CDCP1: variants seen among roughly 807,000 people sequenced by gnomAD.
The protein encoded by CDCP1 is CUB domain containing protein 1, also known as CUB domain-containing protein 1.
Under a neutral mutation model 60.2 loss-of-function variants are expected in CDCP1, and 29 were observed. The ratio of observed to expected loss-of-function variants is 0.48; its 90% confidence interval spans 0.36 to 0.66. The LOEUF (loss-of-function observed/expected upper bound fraction) is 0.66. Ranked by LOEUF, CDCP1 falls within the 30% of genes least tolerant of loss-of-function variation. The pLI, the probability that CDCP1 is intolerant of heterozygous loss-of-function variation, is 0.00. For synonymous variants in CDCP1, 387 were observed against 431.1 expected, an observed-to-expected ratio of 0.90 and a Z score of 1.27; for missense variants, 876 against 1,074.3, an observed-to-expected ratio of 0.82 and a Z score of 2.58.
intron 4 of CDCP1, among the ~76,000 whole-genome samples, chr3:45,098,574 C>G (rs1698439706): frequency 6.6e-6 from 1 of 151,820 alleles, no homozygotes; most frequent in African/African-American, 2.4e-5. Context: ...TGGATTTCTC[C>G]TCCTTCACCC....
intron 1 of CDCP1, among the ~76,000 whole-genome samples, chr3:45,132,421 T>C (rs1429424967): frequency 1.3e-5 from 2 of 152,064 alleles, no homozygotes; most frequent in African/African-American, 4.8e-5. Context: ...GGGGTGGTAG[T>C]AGGGAAACAC....
At chr3:45,123,000 G>A (rs1698913167) in intron 1 of CDCP1, among the ~76,000 whole-genome samples, 1 of 97,044 alleles carries the variant, frequency 1.0e-5, no homozygotes, top group African/African-American at 3.4e-5. Flanking sequence ...CTGAGACGTA[G>A]GGATTTTTTT....
At chr3:45,114,613 A>C (rs1698755235) in intron 2 of CDCP1, among the ~76,000 whole-genome samples, 1 of 151,968 alleles carries the variant, frequency 6.6e-6, no homozygotes, top group African/African-American at 2.4e-5. Flanking sequence ...GGGTTTCACT[A>C]TGTTGACCAG....
chr3:45,135,201 A>C (rs72499010), intron 1 of CDCP1, among the ~76,000 whole-genome samples: 1 of 119,314 alleles, frequency 8.4e-6, no homozygotes, highest in Non-Finnish European at 1.8e-5. Context: ...ATGAATATAC[A>C]AAAATTCAGG....
rs374109300 is a variant in CDCP1, at chr3:45,093,455, G to C, written c.1449C>G (p.Leu483=). The C allele has an allele frequency of 1.3e-4, 202 of 1,613,998 alleles. No homozygotes were observed. Among genetic ancestry groups the C allele is most frequent in the Non-Finnish European group, 1.6e-4 (192 of 1,179,964 alleles). ...EKPCNTSFSY[L]VASAIPSQDL... ...CCTGGCTGGGTATGGCACTGGCCACGAGGTAGCTGAAGCTGGTGTTGCAGG... is the reference window on the plus strand; with the variant it reads ...CCTGGCTGGGTATGGCACTGGCCACCAGGTAGCTGAAGCTGGTGTTGCAGG... The change falls in exon 6 of 9, where the codon CTC becomes CTG. Residue 483 remains leucine, a synonymous_variant. Coordinates refer to ENST00000296129, the MANE Select transcript of CDCP1 (RefSeq NM_022842.5).
At chr3:45,125,068 C>T (rs78964699) in intron 1 of CDCP1, among the ~76,000 whole-genome samples, 1 of 152,096 alleles carries the variant, frequency 6.6e-6, no homozygotes, top group Non-Finnish European at 1.5e-5. Flanking sequence ...TCACAGAAGG[C>T]GTATGACTTA....
In CDCP1 at chr3:45,146,233, C is replaced by T. The variant is rs1264354313; in HGVS notation, c.55G>A (p.Gly19Ser). The T allele has an allele frequency of 6.3e-7, 1 of 1,598,542 alleles. No homozygotes were observed. Among genetic ancestry groups the T allele is most frequent in the South Asian group, 1.1e-5 (1 of 89,256 alleles). ...SIALLGVLLLGAARLPRGAEA... is the reference protein window; with the variant it reads ...SIALLGVLLLSAARLPRGAEA... ...GCCCCGCGCGGCAGGCGCGCCGCAC[C>T]CAGCAGCAGAACCCCTAGCAGTGCG... The change falls in exon 1 of 9, where the codon GGT becomes AGT. Residue 19 changes from glycine (G) to serine (S), a missense_variant. This residue lies in a region of CDCP1 where 150 missense variants were observed against 138.6 expected (regional missense o/e 1.08). Coordinates refer to ENST00000296129, the MANE Select transcript of CDCP1 (RefSeq NM_022842.5).
At chr3:45,096,204 T>C (rs1698394797) in intron 4 of CDCP1, among the ~76,000 whole-genome samples, 1 of 152,152 alleles carries the variant, frequency 6.6e-6, no homozygotes, top group Admixed American at 6.5e-5. Flanking sequence ...AACCAAACAG[T>C]GTGACATGGC....
In CDCP1 at chr3:45,110,151, G is replaced by A. The variant is rs1328216314; in HGVS notation, c.1024+322C>T. 9 of 1,129,314 alleles carry A rather than the reference G, an allele frequency of 8.0e-6. No homozygotes were observed. The African/African-American group carries it at 1.1e-4, about 14-fold the overall frequency. 70.0% of individuals were successfully genotyped at this position (1,129,314 alleles called of 1,614,324 possible). On this transcript the variant is annotated intron_variant, in intron 4 of 8. Coordinates refer to ENST00000296129, the MANE Select transcript of CDCP1 (RefSeq NM_022842.5). ...TCCCATCATCATCGCTGATGGTGCG[G>A]GTGACATCCTCATTCACATTGCAGG... is the stretch of plus-strand genomic sequence containing the variant.
rs575894581 is a variant in CDCP1, at chr3:45,087,731, A to G, written c.2081+1323T>C. On this transcript the variant is annotated intron_variant, in intron 8 of 8. Transcript: ENST00000296129. ...GTCCACAGTTAATTTTTAAAAAAGA[A>G]TTTTTTGGCTGGGTGTGGTGGCTCA... Among the ~76,000 whole-genome samples, 363 of 152,246 alleles carry G rather than the reference A, an allele frequency of 2.4e-3. 1 individual carries two copies. The highest frequency in any genetic ancestry group is 4.2e-3 in the Non-Finnish European group (286 of 68,018).
intron 2 of CDCP1, 108 bp downstream of exon 2, chr3:45,118,304 G>A: frequency 1.2e-6 from 1 of 828,310 alleles, no homozygotes; most frequent in Non-Finnish European, 2.0e-6. Context: ...TTTCAGAATA[G>A]ATCTTAGCTC....
chr3:45,096,198 A>G (rs1698394739), intron 4 of CDCP1, among the ~76,000 whole-genome samples: 1 of 152,226 alleles, frequency 6.6e-6, no homozygotes, highest in Non-Finnish European at 1.5e-5. Context: ...TCTGGGAACC[A>G]AACAGTGTGA....
intron 4 of CDCP1, among the ~76,000 whole-genome samples, chr3:45,097,119 C>CCAA (rs1483995751): frequency 6.6e-6 from 1 of 151,800 alleles, no homozygotes; most frequent in Non-Finnish European, 1.5e-5. Context: ...ACCAGTCTGG[C>CCAA]CAACATGGTG....
At position 45,122,563 on chromosome 3, in the gene CDCP1, T is replaced by C. The variant is rs1698904839; in HGVS notation, c.83-3942A>G. ...TCTGCCTTTGGGACTCAAGTGATTC[T>C]CGTGCCTCAGTCTCCCGAGTAGCTG... is the stretch of plus-strand genomic sequence containing the variant. On this transcript the variant is annotated intron_variant, in intron 1 of 8. Transcript: ENST00000296129. Among the ~76,000 whole-genome samples the C allele has an allele frequency of 2.0e-5, 3 of 152,082 alleles. No homozygotes were observed. The South Asian group carries it at 6.2e-4, about 32-fold the overall frequency.
Position 45,146,340 on chromosome 3 carries a change from C to T in CDCP1, c.-53G>A. 1.4e-6 allele frequency: 2 copies of T among 1,469,292 alleles called. No individual in the cohort carries two copies. The highest frequency in any genetic ancestry group is 1.8e-6 in the Non-Finnish European group (2 of 1,098,654). The allele number at this position is 1,469,292 out of a possible 1,614,324, so 91.0% of individuals were successfully genotyped here. A position where few individuals can be genotyped will look rare whatever the true frequency, so the allele number is the denominator to read the frequency against. ...GGAAAACGACGGTGGGGAGCGGCGG[C>T]CCCAGGCGCCCAAGCCCGGCGCAGC... On this transcript the variant is annotated 5_prime_UTR_variant, in exon 1 of 9. Coordinates refer to ENST00000296129, the MANE Select transcript of CDCP1 (RefSeq NM_022842.5).
At chr3:45,124,097 T>A (rs1020088786) in intron 1 of CDCP1, among the ~76,000 whole-genome samples, 2 of 152,120 alleles carry the variant, frequency 1.3e-5, no homozygotes, top group Non-Finnish European at 2.9e-5. Context: ...GGGGAAGAAT[T>A]TCCATTTGTT....
chr3:45,106,017 T>C (rs1698559337), intron 4 of CDCP1, among the ~76,000 whole-genome samples: 2 of 152,192 alleles, frequency 1.3e-5, no homozygotes, highest in African/African-American at 4.8e-5. Flanking sequence ...TATTCCTCAG[T>C]TCCTGGGTAA....
chr3:45,088,912 C>G, intron 8 of CDCP1, 142 bp downstream of exon 8: 1 of 718,506 alleles, frequency 1.4e-6, no homozygotes, highest in Non-Finnish European at 2.4e-6. Flanking sequence ...GCATGACTCA[C>G]ACCTGGCAAT....
rs1401302861 is a variant in CDCP1, at chr3:45,108,953, A to ATATATATTTTTTTTTT, written c.1024+1519_1024+1520insAAAAAAAAAATATATA. On this transcript the variant is annotated intron_variant, in intron 4 of 8. Transcript: ENST00000296129. Reference sequence around the variant, plus strand: ...CATGTATACATATATATATATATATATTTTTTTTTTTTTTGAGATGGAGTC... The same window carrying ATATATATTTTTTTTTT: ...CATGTATACATATATATATATATATATATATATTTTTTTTTTTTTTTTTTTTTTTTGAGATGGAGTC... 1.2e-3 allele frequency among the ~76,000 whole-genome samples: 49 copies of ATATATATTTTTTTTTT among 41,134 alleles called. 14 individuals carry two copies. The highest frequency in any genetic ancestry group is 0.01 in the Middle Eastern group (1 of 100). The allele number at this position is 41,134 out of a possible 152,430, so 27.0% of individuals were successfully genotyped here.
Sources: gnomAD v4.1 joint callset for allele counts (sites outside exome capture counted in the v4.1 genomes callset) on GRCh38, gnomAD v4.1.1 for gene constraint, gnomAD v4.1.1 regional missense constraint, MANE v1.5 for transcripts, NCBI Gene and HGNC (gene_info 2026-07-23, HGNC 2026-07-21) for gene names.